TAFA2: variants seen among roughly 807,000 people sequenced by gnomAD.
The protein encoded by TAFA2 is chemokine-like protein TAFA-2.
TAFA2 carries 7 observed loss-of-function variants against 18.8 expected under a neutral mutation model. The observed-to-expected ratio is 0.37, with a 90% CI of 0.21 to 0.70. The LOEUF (loss-of-function observed/expected upper bound fraction) is 0.70. Among genes scored for constraint, TAFA2 ranks in the 30% least tolerant of loss-of-function variants. The probability of loss-of-function intolerance (pLI) is 0.53; values close to 1 mark genes in which losing one functional copy is unlikely to be tolerated. For missense variants in TAFA2, 122 were observed against 158.1 expected (o/e 0.77, Z 1.23); for synonymous variants, 60 against 54.2 (o/e 1.11, Z -0.47).
intron 1 of TAFA2, among the ~76,000 whole-genome samples, chr12:61,976,605 T>A (rs887816624): frequency 6.6e-6 from 1 of 152,024 alleles, no homozygotes; most frequent in African/African-American, 2.4e-5. Flanking sequence ...TTGTTACATA[T>A]GTATATATGT....
intron 1 of TAFA2, among the ~76,000 whole-genome samples, chr12:61,911,934 T>A (rs1876629275): frequency 6.6e-6 from 1 of 152,138 alleles, no homozygotes; most frequent in Non-Finnish European, 1.5e-5. Context: ...AGCTGATGCA[T>A]CATCCTCCTA....
At chr12:61,969,122 T>G (rs1316088549) in intron 1 of TAFA2, among the ~76,000 whole-genome samples, 1 of 151,736 alleles carries the variant, frequency 6.6e-6, no homozygotes, top group Non-Finnish European at 1.5e-5. Context: ...GTCAGAAATA[T>G]CATTATGACA....
intron 1 of TAFA2, among the ~76,000 whole-genome samples, chr12:61,904,980 A>G (rs1422043954): frequency 1.3e-5 from 2 of 152,210 alleles, no homozygotes; most frequent in East Asian, 1.9e-4. Context: ...ACAGGTTGCC[A>G]TTAAAAAATA....
chr12:62,113,749 G>T (rs1039091295), intron 1 of TAFA2, among the ~76,000 whole-genome samples: 3 of 152,162 alleles, frequency 2.0e-5, no homozygotes, highest in African/African-American at 7.2e-5. Flanking sequence ...AGCTGCAATG[G>T]GCACTCCCCA....
At chr12:61,872,072 T>TA (rs11422965) in intron 1 of TAFA2, among the ~76,000 whole-genome samples, 121,283 of 151,974 alleles carry the variant, frequency 0.8, 48,434 homozygotes, top group East Asian at 0.89. Context: ...ATTTAATTGT[T>TA]AAAAGCAAGA....
chr12:62,009,874 G>A (rs17704825), intron 1 of TAFA2, among the ~76,000 whole-genome samples: 6,224 of 151,952 alleles, frequency 0.041, 174 homozygotes, highest in South Asian at 0.12. Flanking sequence ...TTCCCTTTCC[G>A]TCTTCAGACA....
At chr12:62,211,971 A>C (rs1052303896) in intron 1 of TAFA2, among the ~76,000 whole-genome samples, 1 of 152,254 alleles carries the variant, frequency 6.6e-6, no homozygotes. Flanking sequence ...TTTACATTTC[A>C]AAGTAAATAC....
chr12:62,196,015 G>C (rs1314026450), upstream of TAFA2, among the ~76,000 whole-genome samples: 1 of 152,204 alleles, frequency 6.6e-6, no homozygotes, highest in Non-Finnish European at 1.5e-5. Flanking sequence ...ATCTTAGCTA[G>C]ATCTTCTGGA....
intron 2 of TAFA2, among the ~76,000 whole-genome samples, chr12:61,792,617 CAT>C (rs71450559): frequency 0.1 from 15,861 of 151,304 alleles, 1,072 homozygotes; most frequent in East Asian, 0.19. Context: ...AAACACTAAA[CAT>C]AGAAAACTGA....
At chr12:61,870,676 A>G (rs1458308822) in intron 1 of TAFA2, among the ~76,000 whole-genome samples, 1 of 152,072 alleles carries the variant, frequency 6.6e-6, no homozygotes, top group Non-Finnish European at 1.5e-5. Context: ...AAATTTCTCC[A>G]ATGACTTCCA....
intron 2 of TAFA2, among the ~76,000 whole-genome samples, chr12:61,801,583 T>A: frequency 6.6e-6 from 1 of 151,924 alleles, no homozygotes; most frequent in East Asian, 1.9e-4. Context: ...CAAACCCCTA[T>A]CTCTCACCAC....
chr12:62,215,465 T>G (rs2062730412), intron 1 of TAFA2, among the ~76,000 whole-genome samples: 1 of 151,716 alleles, frequency 6.6e-6, no homozygotes, highest in Non-Finnish European at 1.5e-5. Context: ...TATTCAACTC[T>G]GCTTTTTAGA....
chr12:62,107,322 G>A (rs1454027896), intron 1 of TAFA2, among the ~76,000 whole-genome samples: 1 of 151,478 alleles, frequency 6.6e-6, no homozygotes, highest in Admixed American at 6.6e-5. Context: ...AATGCCAGAA[G>A]AGAAAAAAGG....
chr12:62,095,816 G>A (rs1868925015), intron 1 of TAFA2, among the ~76,000 whole-genome samples: 1 of 152,104 alleles, frequency 6.6e-6, no homozygotes, highest in African/African-American at 2.4e-5. Context: ...CAGAGGTAAA[G>A]AACGCTTTTT....
intron 1 of TAFA2, among the ~76,000 whole-genome samples, 156 bp from the exon 2 acceptor site, chr12:61,867,582 C>G (rs547242162): frequency 1.3e-5 from 2 of 151,982 alleles, no homozygotes; most frequent in Non-Finnish European, 2.9e-5. Context: ...TGTATACAAA[C>G]GATGATCAGA....
chr12:62,040,904 T>C (rs1365136204), intron 1 of TAFA2, among the ~76,000 whole-genome samples: 4 of 152,152 alleles, frequency 2.6e-5, no homozygotes. Context: ...TAAAATGACC[T>C]TTCTGGTCAA....
intron 1 of TAFA2, among the ~76,000 whole-genome samples, chr12:62,108,708 G>A (rs1012733703): frequency 6.6e-6 from 1 of 152,112 alleles, no homozygotes; most frequent in African/African-American, 2.4e-5. Flanking sequence ...ATCTCATTAT[G>A]GTTTTGATTT....
intron 1 of TAFA2, among the ~76,000 whole-genome samples, chr12:62,125,144 C>T (rs891677270): frequency 6.6e-6 from 1 of 152,038 alleles, no homozygotes; most frequent in Non-Finnish European, 1.5e-5. Flanking sequence ...GTAAAACAGA[C>T]GTTCACTCCC....
intron 4 of TAFA2, among the ~76,000 whole-genome samples, chr12:61,715,158 G>A (rs1017511002): frequency 1.3e-5 from 2 of 151,896 alleles, no homozygotes; most frequent in African/African-American, 4.8e-5. Flanking sequence ...ATTGGAGGGC[G>A]GTATTACTTC....
Sources: gnomAD v4.1 joint callset for allele counts (sites outside exome capture counted in the v4.1 genomes callset) on GRCh38, gnomAD v4.1.1 for gene constraint, MANE v1.5 for transcripts, NCBI Gene and HGNC (gene_info 2026-07-23, HGNC 2026-07-21) for gene names.